Variants in HPD observed in about 807,000 individuals in gnomAD.
The protein encoded by HPD is 4-hydroxyphenylpyruvic acid oxidase.
A neutral mutation model predicts 56.9 loss-of-function variants in HPD; 35 were observed. The ratio of observed to expected loss-of-function variants is 0.62; its 90% CI spans 0.47 to 0.82. The LOEUF (loss-of-function observed/expected upper bound fraction) is 0.82, where lower values mean the gene tolerates loss of function less well. HPD is among the 40% of genes least tolerant of loss of function. HPD has a pLI of 0.00. For synonymous variants in HPD, 186 were observed against 200.2 expected, an observed-to-expected ratio of 0.93 and a Z score of 0.60; for missense variants, 442 against 506.8, an observed-to-expected ratio of 0.87 and a Z score of 1.23.
chr12:121,871,690 G>A, the HPD span, among the ~76,000 whole-genome samples: 1 of 152,180 alleles, frequency 6.6e-6, no homozygotes, highest in Non-Finnish European at 1.5e-5. Flanking sequence ...GTGACAGGAA[G>A]CTGTATCACC....
At chr12:121,841,491 G>A (rs1877405578) in intron 12 of HPD, among the ~76,000 whole-genome samples, 1 of 152,140 alleles carries the variant, frequency 6.6e-6, no homozygotes, top group Non-Finnish European at 1.5e-5. Flanking sequence ...GTAGCATTAC[G>A]TATAACACCC....
chr12:121,880,003 TG>T, the HPD span, among the ~76,000 whole-genome samples: 1 of 151,812 alleles, frequency 6.6e-6, no homozygotes, highest in South Asian at 2.1e-4. Flanking sequence ...AAAAATTAGC[TG>T]GGTGTGGTGG....
At chr12:121,860,569 G>A (rs944319366), upstream of HPD, among the ~76,000 whole-genome samples, 2 of 152,122 alleles carry the variant, frequency 1.3e-5, no homozygotes, top group Admixed American at 1.3e-4. Context: ...TCCCCTCCCT[G>A]ATGCTCTCTG....
At chr12:121,867,640 A>C (rs1878360418), upstream of HPD, among the ~76,000 whole-genome samples, 1 of 151,856 alleles carries the variant, frequency 6.6e-6, no homozygotes. Flanking sequence ...CAGCTTCCCG[A>C]GTAGCTGGGA....
chr12:121,849,836 C>G (rs903710094), intron 7 of HPD, 46 bp from the exon 8 acceptor site: 1 of 1,282,194 alleles, frequency 7.8e-7, no homozygotes, highest in Non-Finnish European at 1.1e-6. Flanking sequence ...CACCCATCCC[C>G]GCCGAGGACA....
the HPD span, among the ~76,000 whole-genome samples, chr12:121,872,609 C>G: frequency 1.3e-5 from 2 of 151,874 alleles, no homozygotes; most frequent in Non-Finnish European, 2.9e-5. Context: ...CTGCTCCGTT[C>G]ATGTCGTTTG....
At chr12:121,865,578 T>C (rs1455450157), upstream of HPD, among the ~76,000 whole-genome samples, 2 of 143,470 alleles carry the variant, frequency 1.4e-5, no homozygotes, top group Admixed American at 1.4e-4. Flanking sequence ...CACGACACTC[T>C]CTTTCAAAAA....
the HPD span, among the ~76,000 whole-genome samples, chr12:121,870,783 A>G: frequency 1.3e-5 from 2 of 151,584 alleles, no homozygotes; most frequent in African/African-American, 2.4e-5. Flanking sequence ...TTTAGTAGAG[A>G]TGGGGTTTCT....
At chr12:121,866,090 G>A (rs576104227), upstream of HPD, among the ~76,000 whole-genome samples, 2 of 152,220 alleles carry the variant, frequency 1.3e-5, no homozygotes, top group East Asian at 3.9e-4. Flanking sequence ...GAGGTCGGGA[G>A]ATCGAGACCA....
the HPD span, among the ~76,000 whole-genome samples, chr12:121,879,764 T>G: frequency 6.6e-6 from 1 of 152,186 alleles, no homozygotes; most frequent in Non-Finnish European, 1.5e-5. Flanking sequence ...TTATGCTAAT[T>G]TTTTTACATA....
At chr12:121,864,186 T>C (rs192648337), upstream of HPD, among the ~76,000 whole-genome samples, 2 of 151,156 alleles carry the variant, frequency 1.3e-5, no homozygotes, top group African/African-American at 4.9e-5. Flanking sequence ...GCAGGGTTCA[T>C]TGAGCTGAGA....
At chr12:121,844,517 G>A (rs1005377459) in intron 11 of HPD, among the ~76,000 whole-genome samples, 4 of 149,960 alleles carry the variant, frequency 2.7e-5, no homozygotes, top group Non-Finnish European at 5.9e-5. Flanking sequence ...GGAGGCTGAG[G>A]CGGGCAGATC....
chr12:121,864,073 C>CAAAAAAAAAAAAAA (rs748278452), upstream of HPD, among the ~76,000 whole-genome samples: 1 of 71,342 alleles, frequency 1.4e-5, no homozygotes, highest in African/African-American at 5.6e-5. Flanking sequence ...ACTAAAAATA[C>CAAAAAAAAAAAAAA]AAAAAAAAAA....
At chr12:121,852,512 G>A (rs768608848) in intron 7 of HPD, among the ~76,000 whole-genome samples, 13 of 149,826 alleles carry the variant, frequency 8.7e-5, no homozygotes, top group Non-Finnish European at 1.8e-4. Context: ...AGCTATGATT[G>A]TCTCTGTATT....
chr12:121,846,223 TA>T (rs1424718323), intron 11 of HPD, among the ~76,000 whole-genome samples: 2 of 152,088 alleles, frequency 1.3e-5, no homozygotes, highest in East Asian at 1.9e-4. Flanking sequence ...TAATTACTAT[TA>T]TTTTTTTCTA....
chr12:121,863,971 T>C (rs558951556), upstream of HPD, among the ~76,000 whole-genome samples: 30 of 150,482 alleles, frequency 2.0e-4, no homozygotes, highest in South Asian at 6.0e-3. Flanking sequence ...CTCATGCCTG[T>C]AATCCCAGCA....
the HPD span, among the ~76,000 whole-genome samples, chr12:121,885,749 G>A: frequency 4.0e-5 from 6 of 151,498 alleles, no homozygotes; most frequent in African/African-American, 9.7e-5. Context: ...GATTGCCTGA[G>A]GTCAGGAGTT....
In HPD at chr12:121,856,584, T is replaced by C. The variant is rs758290324; in HGVS notation, c.240A>G (p.Lys80=). Residue 80 remains lysine, a splice_region_variant and synonymous_variant, in exon 5 of 14, where the codon AAA becomes AAG. Transcript: ENST00000289004. Reference sequence around the variant, plus strand: ...GTCCACCCTCCCCGGGCACCTCACCTTTGTTCCAGGGGTTGAGCGCTGAGG... The same window carrying C: ...GTCCACCCTCCCCGGGCACCTCACCCTTGTTCCAGGGGTTGAGCGCTGAGG... ...VLSSALNPWN[K]EMGDHLVKHG... is the part of the protein sequence containing the mutation. 4 of 1,613,934 alleles carry C rather than the reference T, an allele frequency of 2.5e-6. No individual in the cohort carries two copies. Among genetic ancestry groups the C allele is most frequent in the Non-Finnish European group, 3.4e-6 (4 of 1,179,918 alleles).
chr12:121,873,693 G>A, the HPD span, among the ~76,000 whole-genome samples: 4 of 152,142 alleles, frequency 2.6e-5, no homozygotes, highest in Non-Finnish European at 4.4e-5. Flanking sequence ...GCTGGCGGGC[G>A]CCTGTGGTCC....
Sources: allele counts gnomAD v4.1 joint callset (sites outside exome capture counted in the v4.1 genomes callset), GRCh38; gene constraint gnomAD v4.1.1; transcripts MANE v1.5; gene names NCBI Gene and HGNC (gene_info 2026-07-23, HGNC 2026-07-21).